Variants in NWD2 observed in about 807,000 individuals in gnomAD.
NWD2 encodes NACHT and WD repeat domain-containing protein 2.
A neutral mutation model predicts 132.7 loss-of-function variants in NWD2; 37 were observed. That is an observed-to-expected ratio of 0.28 (90% confidence interval 0.21 to 0.37). The LOEUF is 0.37. NWD2 is among the 10% of genes least tolerant of loss of function. NWD2 has a pLI of 1.00. For synonymous variants in NWD2, 705 were observed against 803.0 expected, an observed-to-expected ratio of 0.88 and a Z score of 2.06; for missense variants, 1,592 against 2,122.4, an observed-to-expected ratio of 0.75 and a Z score of 4.91.
chr4:37,348,637 CATATATATAT>C lies in NWD2; in HGVS notation c.241-7699_241-7690del, dbSNP rs370439742. Among the ~76,000 whole-genome samples the C allele has an allele frequency of 9.3e-3, 246 of 26,546 alleles. 5 individuals carry two copies. In the South Asian group the frequency reaches 0.11, roughly 12 times the overall value. 17.4% of individuals were successfully genotyped at this position (26,546 alleles called of 152,430 possible). The stretch of plus-strand genomic sequence containing the variant: ...TTAAGATCCTTGCCTGTGGTTAATT[CATATATATAT>C]ATATATATATATATATATATATATA... On this transcript the variant is annotated intron_variant, in intron 2 of 6. Coordinates refer to ENST00000309447, the MANE Select transcript of NWD2 (RefSeq NM_001144990.2).
chr4:37,256,516 A>G (rs1717522590), intron 1 of NWD2, among the ~76,000 whole-genome samples: 1 of 152,194 alleles, frequency 6.6e-6, no homozygotes, highest in Non-Finnish European at 1.5e-5. Flanking sequence ...CACTCGATTG[A>G]TGATATTCTA....
chr4:37,338,407 T>G (rs1423823259), intron 2 of NWD2, among the ~76,000 whole-genome samples: 2 of 152,214 alleles, frequency 1.3e-5, no homozygotes, highest in East Asian at 3.8e-4. Flanking sequence ...CAAGTCTTTT[T>G]GAGAGGCTCG....
At chr4:37,294,991 A>G (rs1275672193) in intron 1 of NWD2, among the ~76,000 whole-genome samples, 1 of 152,202 alleles carries the variant, frequency 6.6e-6, no homozygotes, top group Non-Finnish European at 1.5e-5. Context: ...TGGTCACATT[A>G]CTGAATCCAC....
chr4:37,393,590 T>C (rs932784784), intron 3 of NWD2, among the ~76,000 whole-genome samples: 1 of 152,106 alleles, frequency 6.6e-6, no homozygotes, highest in African/African-American at 2.4e-5. Context: ...GGCCATTGCG[T>C]CTCTTAGTAG....
chr4:37,361,548 A>C (rs1020842745), intron 3 of NWD2, among the ~76,000 whole-genome samples: 1 of 152,210 alleles, frequency 6.6e-6, no homozygotes, highest in African/African-American at 2.4e-5. Flanking sequence ...AAACCAATAA[A>C]TGTGACACAC....
chr4:37,330,020 CAATTA>C (rs1719258821), intron 2 of NWD2, among the ~76,000 whole-genome samples: 1 of 152,074 alleles, frequency 6.6e-6, no homozygotes, highest in South Asian at 2.1e-4. Context: ...AGTCTTTATT[CAATTA>C]AATTAATAGA....
intron 1 of NWD2, among the ~76,000 whole-genome samples, chr4:37,301,521 CTT>C (rs1718611823): frequency 6.6e-6 from 1 of 151,702 alleles, no homozygotes; most frequent in African/African-American, 2.4e-5. Context: ...ATTTCTTTCT[CTT>C]GGTGTGATGA....
chr4:37,343,877 G>A (rs996021626), intron 2 of NWD2, among the ~76,000 whole-genome samples: 2 of 152,152 alleles, frequency 1.3e-5, no homozygotes, highest in East Asian at 1.9e-4. Context: ...TGATTTCAAC[G>A]GGTAAGATTT....
In NWD2 at chr4:37,348,675, TACAC is replaced by T. The variant is rs1172614596; in HGVS notation, c.241-7666_241-7663del. ...ATATATATATATATATATATATATA[TACAC>T]ACACACACACACACACACACACACT... On this transcript the variant is annotated intron_variant, in intron 2 of 6. Transcript: ENST00000309447. Among the ~76,000 whole-genome samples, 99 of 22,552 alleles carry T rather than the reference TACAC, an allele frequency of 4.4e-3. 1 individual carries two copies. The highest frequency in any genetic ancestry group is 0.036 in the East Asian group (19 of 524). 14.8% of individuals were successfully genotyped at this position (22,552 alleles called of 152,430 possible).
At chr4:37,310,687 G>A (rs1718820298) in intron 1 of NWD2, among the ~76,000 whole-genome samples, 1 of 151,322 alleles carries the variant, frequency 6.6e-6, no homozygotes, top group African/African-American at 2.4e-5. Flanking sequence ...CAATGTGCAG[G>A]TTAGTTACAT....
intron 1 of NWD2, among the ~76,000 whole-genome samples, chr4:37,321,840 A>G (rs1719076152): frequency 6.6e-6 from 1 of 152,222 alleles, no homozygotes. Context: ...ATAAGAGCAC[A>G]GAAAACCCAT....
intron 2 of NWD2, among the ~76,000 whole-genome samples, chr4:37,327,131 C>T (rs1209707087): frequency 1.3e-5 from 2 of 152,120 alleles, no homozygotes; most frequent in African/African-American, 2.4e-5. Flanking sequence ...ACATAATTTC[C>T]AATCTGTCAA....
chr4:37,318,576 A>G (rs62301446), intron 1 of NWD2, among the ~76,000 whole-genome samples: 46,857 of 151,616 alleles, frequency 0.31, 7,608 homozygotes, highest in Non-Finnish European at 0.35. Context: ...TAGTTTTGCA[A>G]CCCTTACTAC....
Position 37,245,152 on chromosome 4 carries a change from G to A in NWD2, c.85G>A (p.Ala29Thr). 1 of 1,547,406 alleles carries A rather than the reference G, an allele frequency of 6.5e-7. No individual in the cohort carries two copies. The highest frequency in any genetic ancestry group is 8.7e-7 in the Non-Finnish European group (1 of 1,146,566). ...GGCGGCTTTCTCTGGGAACCTCACGGCCCTGCCCTCTCACCTCGTGCCCGC... is the reference window on the plus strand; with the variant it reads ...GGCGGCTTTCTCTGGGAACCTCACGACCCTGCCCTCTCACCTCGTGCCCGC... ...RRAAFSGNLT[A>T]LPSHLVPAGR... Residue 29 changes from alanine (A) to threonine (T), a missense_variant, in exon 1 of 7, where the codon GCC becomes ACC. Coordinates refer to ENST00000309447, the MANE Select transcript of NWD2 (RefSeq NM_001144990.2).
intron 2 of NWD2, among the ~76,000 whole-genome samples, chr4:37,352,367 T>C (rs187068656): frequency 6.6e-6 from 1 of 152,150 alleles, no homozygotes; most frequent in East Asian, 1.9e-4. Context: ...TGCTCTTGAA[T>C]TGGGTGCATA....
chr4:37,385,594 A>C (rs762849371), intron 3 of NWD2, among the ~76,000 whole-genome samples: 4 of 152,192 alleles, frequency 2.6e-5, no homozygotes, highest in African/African-American at 7.2e-5. Context: ...GAAAAACCGG[A>C]AAGTGTTACT....
intron 1 of NWD2, among the ~76,000 whole-genome samples, chr4:37,291,585 GA>G (rs1718359878): frequency 6.6e-6 from 1 of 152,034 alleles, no homozygotes; most frequent in Non-Finnish European, 1.5e-5. Flanking sequence ...AGAGTAAAGT[GA>G]AAATATATTT....
intron 3 of NWD2, among the ~76,000 whole-genome samples, chr4:37,415,512 G>T (rs1285265446): frequency 3.3e-5 from 5 of 152,076 alleles, no homozygotes; most frequent in African/African-American, 1.2e-4. Context: ...AGACCATCCT[G>T]GCTAACACGG....
chr4:37,308,612 G>T (rs1196386907), intron 1 of NWD2, among the ~76,000 whole-genome samples: 1 of 152,208 alleles, frequency 6.6e-6, no homozygotes. Context: ...GAGTGTGGTT[G>T]CTGGCAGTGG....
Sources: allele counts gnomAD v4.1 joint callset (sites outside exome capture counted in the v4.1 genomes callset), GRCh38; gene constraint gnomAD v4.1.1; transcripts MANE v1.5; gene names NCBI Gene and HGNC (gene_info 2026-07-23, HGNC 2026-07-21).